CTNNA2: variants seen among roughly 807,000 people sequenced by gnomAD.
CTNNA2 encodes the protein catenin alpha 2, also known as catenin alpha-2.
A neutral mutation model predicts 101.0 loss-of-function variants in CTNNA2; 42 were observed. The ratio of observed to expected loss-of-function variants is 0.42; its 90% CI spans 0.32 to 0.54. The LOEUF is 0.54. Ranked by LOEUF, CTNNA2 falls within the 20% of genes least tolerant of loss-of-function variation. CTNNA2 has a pLI of 0.14. For missense variants in CTNNA2, 871 were observed against 1,223.1 expected, an observed-to-expected ratio of 0.71 and a Z score of 4.29; for synonymous variants, 450 against 456.4, an observed-to-expected ratio of 0.99 and a Z score of 0.18.
intron 3 of CTNNA2, among the ~76,000 whole-genome samples, chr2:79,801,397 G>A (rs753463489): frequency 7.2e-5 from 11 of 152,182 alleles, no homozygotes; most frequent in Non-Finnish European, 1.6e-4. Context: ...ATAGTGGATC[G>A]TTTATGTGCT....
chr2:79,777,327 A>ATGTGTGTGTGTGTGTGTGTG (rs67347678), intron 3 of CTNNA2, among the ~76,000 whole-genome samples: 2 of 139,688 alleles, frequency 1.4e-5, no homozygotes, highest in East Asian at 2.1e-4. Flanking sequence ...AACACTTGTT[A>ATGTGTGTGTGTGTGTGTGTG]TGTGTGTGTG....
In CTNNA2 at chr2:79,961,288, C is replaced by T. The variant is rs528056760; in HGVS notation, c.1056+51491C>T. On this transcript the variant is annotated intron_variant, in intron 7 of 18. Coordinates refer to ENST00000402739, the MANE Select transcript of CTNNA2 (RefSeq NM_001282597.3). ...AAATTCTTGGCATGCGAACCATTAG[C>T]TCATGTTACCTTTGTCTCCCTGTAG... Among the ~76,000 whole-genome samples, 3 of 152,234 alleles carry T rather than the reference C, an allele frequency of 2.0e-5. No individual in the cohort carries two copies. In the East Asian group the frequency reaches 5.8e-4, roughly 29 times the overall value.
At chr2:79,320,757 C>G (rs1443090381) in intron 3 of CTNNA2, among the ~76,000 whole-genome samples, 1 of 152,102 alleles carries the variant, frequency 6.6e-6, no homozygotes, top group Non-Finnish European at 1.5e-5. Flanking sequence ...CCTATGGTAG[C>G]CTTTTTCAGA....
chr2:79,583,695 T>A (rs1029842807), intron 1 of CTNNA2, among the ~76,000 whole-genome samples: 1 of 152,170 alleles, frequency 6.6e-6, no homozygotes, highest in Non-Finnish European at 1.5e-5. Flanking sequence ...CTTGTTATTT[T>A]CGGTAATTAA....
intron 1 of CTNNA2, among the ~76,000 whole-genome samples, chr2:79,522,303 T>C (rs1672159824): frequency 1.3e-5 from 2 of 152,200 alleles, no homozygotes; most frequent in African/African-American, 2.4e-5. Context: ...TGGTCATATG[T>C]AACAGCCATT....
At chr2:79,989,583 C>G (rs1314859312) in intron 7 of CTNNA2, among the ~76,000 whole-genome samples, 1 of 152,138 alleles carries the variant, frequency 6.6e-6, no homozygotes, top group Non-Finnish European at 1.5e-5. Flanking sequence ...CTGCAGTGTA[C>G]CATGATCACA....
intron 3 of CTNNA2, among the ~76,000 whole-genome samples, chr2:79,833,748 T>A (rs1423411595): frequency 6.6e-6 from 1 of 152,214 alleles, no homozygotes; most frequent in Non-Finnish European, 1.5e-5. Context: ...TTTCTTAACC[T>A]CTACCATAGA....
chr2:80,080,318 A>G (rs1185387232), intron 7 of CTNNA2, among the ~76,000 whole-genome samples: 3 of 152,256 alleles, frequency 2.0e-5, no homozygotes, highest in Non-Finnish European at 4.4e-5. Flanking sequence ...TACTGGCGAA[A>G]GGAGACACAA....
chr2:80,176,624 G>A (rs936503432), intron 7 of CTNNA2, among the ~76,000 whole-genome samples: 1 of 152,126 alleles, frequency 6.6e-6, no homozygotes, highest in Non-Finnish European at 1.5e-5. Context: ...AGTCCTGCCT[G>A]GATTGGGTTG....
chr2:80,524,724 C>G (rs919328428), intron 9 of CTNNA2, among the ~76,000 whole-genome samples: 61 of 152,100 alleles, frequency 4.0e-4, no homozygotes, highest in African/African-American at 1.4e-3. Flanking sequence ...TGTTGTAAGC[C>G]TAGGGACCTG....
rs200512192 is a variant in CTNNA2, at chr2:79,985,850, A to C, written c.1056+76053A>C. Among the ~76,000 whole-genome samples the C allele has an allele frequency of 2.6e-5, 4 of 152,300 alleles. No homozygotes were observed. In the East Asian group the frequency reaches 7.7e-4, roughly 30 times the overall value. ...CAAGTGGGAACAACTGCCAGATATCATACCAGGGCAAGTGCAAATAGATGC... is the reference window on the plus strand; with the variant it reads ...CAAGTGGGAACAACTGCCAGATATCCTACCAGGGCAAGTGCAAATAGATGC... On this transcript the variant is annotated intron_variant, in intron 7 of 18. Transcript: ENST00000402739.
At chr2:80,041,986 A>G (rs1413095427) in intron 7 of CTNNA2, among the ~76,000 whole-genome samples, 1 of 152,160 alleles carries the variant, frequency 6.6e-6, no homozygotes, top group Non-Finnish European at 1.5e-5. Context: ...GTTTTTTGAA[A>G]CAGAGCCTTG....
intron 8 of CTNNA2, among the ~76,000 whole-genome samples, chr2:80,408,813 AT>A (rs1424915679): frequency 6.6e-6 from 1 of 152,164 alleles, no homozygotes; most frequent in Non-Finnish European, 1.5e-5. Flanking sequence ...CCATAAACAC[AT>A]AGATCTTAAG....
intron 2 of CTNNA2, among the ~76,000 whole-genome samples, chr2:79,655,973 A>C (rs1374513252): frequency 1.3e-5 from 2 of 152,224 alleles, no homozygotes; most frequent in African/African-American, 4.8e-5. Context: ...CACATAATAC[A>C]GTAGAATGCT....
chr2:79,988,367 C>T (rs182886293), intron 7 of CTNNA2, among the ~76,000 whole-genome samples: 1 of 152,210 alleles, frequency 6.6e-6, no homozygotes, highest in African/African-American at 2.4e-5. Flanking sequence ...TGTCCTCAAA[C>T]CCACTGACCA....
intron 1 of CTNNA2, among the ~76,000 whole-genome samples, chr2:79,530,286 CA>C (rs376868316): frequency 4.0e-5 from 6 of 151,658 alleles, no homozygotes; most frequent in African/African-American, 9.7e-5. Context: ...TTCAGTAAAA[CA>C]AAAAAAAGCA....
rs182832014 is a variant in CTNNA2 at position 80,008,776 on chromosome 2, G to T, written c.1056+98979G>T. 2.5e-3 allele frequency among the ~76,000 whole-genome samples: 377 copies of T among 152,226 alleles called. 2 individuals are homozygous for T. Among genetic ancestry groups the T allele is most frequent in the Non-Finnish European group, 2.4e-3 (165 of 68,008 alleles). On this transcript the variant is annotated intron_variant, in intron 7 of 18. Coordinates refer to ENST00000402739, the MANE Select transcript of CTNNA2 (RefSeq NM_001282597.3). ...TACCACCCTCAGTGGGGCTGTTTTGGGTACCAGATGAGATAACTTATGTAA... is the reference window on the plus strand; with the variant it reads ...TACCACCCTCAGTGGGGCTGTTTTGTGTACCAGATGAGATAACTTATGTAA...
intron 7 of CTNNA2, among the ~76,000 whole-genome samples, chr2:80,225,316 C>G (rs1212798611): frequency 6.6e-6 from 1 of 152,216 alleles, no homozygotes; most frequent in Non-Finnish European, 1.5e-5. Context: ...AAACTGCAAA[C>G]ACAGGTCACA....
chr2:80,014,058 C>A (rs1019874234), intron 7 of CTNNA2, among the ~76,000 whole-genome samples: 4 of 152,092 alleles, frequency 2.6e-5, no homozygotes, highest in African/African-American at 7.2e-5. Flanking sequence ...AAATTTTCTA[C>A]CATAGAAGAC....
Sources: allele counts gnomAD v4.1 joint callset (sites outside exome capture counted in the v4.1 genomes callset), GRCh38; gene constraint gnomAD v4.1.1; transcripts MANE v1.5; gene names NCBI Gene and HGNC (gene_info 2026-07-23, HGNC 2026-07-21).